The following EFR3B variants were observed in gnomAD, a reference collection of about 807,000 sequenced individuals.
EFR3B encodes protein EFR3 homolog B.
EFR3B carries 64 observed loss-of-function variants against 104.7 expected under a neutral mutation model. That is an observed-to-expected ratio of 0.61 (90% CI 0.50 to 0.75). The LOEUF (loss-of-function observed/expected upper bound fraction) is 0.75. Among genes scored for constraint, EFR3B ranks in the 30% least tolerant of loss-of-function variants. The pLI, the probability that EFR3B is intolerant of heterozygous loss-of-function variation, is 0.00. For synonymous variants in EFR3B, 385 were observed against 417.9 expected (o/e 0.92, Z 0.96); for missense variants, 750 against 1,078.5 (o/e 0.70, Z 4.27).
At chr2:25,100,048 C>CA (rs1669388696) in intron 3 of EFR3B, among the ~76,000 whole-genome samples, 2 of 151,898 alleles carry the variant, frequency 1.3e-5, no homozygotes, top group African/African-American at 4.8e-5. Flanking sequence ...ACAAAAAATA[C>CA]AAAAAATTAG....
At position 25,155,797 on chromosome 2, in the gene EFR3B, G is replaced by A. The variant is rs1047958593; in HGVS notation, c.*1457G>A. 2.0e-5 allele frequency: 3 copies of A among 152,158 alleles called. No homozygotes were observed. Among genetic ancestry groups the A allele is most frequent in the Admixed American group, 6.5e-5 (1 of 15,284 alleles). The allele number at this position is 152,158 out of a possible 1,614,324, so 9.4% of individuals were successfully genotyped here. ...GAGTGTCAGACGTTCTCTCCCTGGA[G>A]TCTGCTTTCCAAAGGAGGCAGGGTG... On this transcript the variant is annotated 3_prime_UTR_variant, in exon 23 of 23. Coordinates refer to ENST00000403714, the MANE Select transcript of EFR3B (RefSeq NM_014971.2).
At position 25,135,541 on chromosome 2, in the gene EFR3B, C is replaced by T. The variant is rs369220242; in HGVS notation, c.1386C>T (p.Thr462=). 56 of 1,551,912 alleles carry T rather than the reference C, an allele frequency of 3.6e-5. No individual in the cohort carries two copies. The highest frequency in any genetic ancestry group is 2.5e-4 in the Admixed American group (13 of 51,002). ...ACTTCCTGGACCGCCTTCTCTCCACCGCCCTCATGGAGGATGCAGAAATTC... is the reference window on the plus strand; with the variant it reads ...ACTTCCTGGACCGCCTTCTCTCCACTGCCCTCATGGAGGATGCAGAAATTC... ...PSNFLDRLLS[T]ALMEDAEIRL... Residue 462 remains threonine, a synonymous_variant, in exon 13 of 23, where the codon ACC becomes ACT. Coordinates refer to ENST00000403714, the MANE Select transcript of EFR3B (RefSeq NM_014971.2).
At chr2:25,109,642 C>A (rs535150394) in intron 4 of EFR3B, among the ~76,000 whole-genome samples, 1 of 152,106 alleles carries the variant, frequency 6.6e-6, no homozygotes, top group Non-Finnish European at 1.5e-5. Flanking sequence ...TTTATCGTCC[C>A]ATGTATATGA....
At chr2:25,059,988 G>A (rs192665786) in intron 1 of EFR3B, among the ~76,000 whole-genome samples, 1 of 151,828 alleles carries the variant, frequency 6.6e-6, no homozygotes, top group African/African-American at 2.4e-5. Context: ...CACGAGGTCA[G>A]GAATTCGAGA....
chr2:25,119,499 G>T (rs1384678799), intron 4 of EFR3B, among the ~76,000 whole-genome samples: 1 of 152,262 alleles, frequency 6.6e-6, no homozygotes, highest in Admixed American at 6.5e-5. Context: ...CCAGGCAGCC[G>T]AAGGCCGACT....
At chr2:25,118,415 T>C (rs1384908524) in intron 4 of EFR3B, among the ~76,000 whole-genome samples, 1 of 152,190 alleles carries the variant, frequency 6.6e-6, no homozygotes, top group Non-Finnish European at 1.5e-5. Flanking sequence ...TCCCTTCTTC[T>C]TTAAGGCTGA....
At chr2:25,063,611 G>C (rs1573173630) in intron 1 of EFR3B, among the ~76,000 whole-genome samples, 1 of 152,164 alleles carries the variant, frequency 6.6e-6, no homozygotes, top group Non-Finnish European at 1.5e-5. Context: ...AAATGGAGAC[G>C]ATAGACCCCA....
intron 4 of EFR3B, among the ~76,000 whole-genome samples, chr2:25,111,209 G>A (rs1248676858): frequency 6.6e-6 from 1 of 152,162 alleles, no homozygotes; most frequent in Non-Finnish European, 1.5e-5. Flanking sequence ...GTGTGATCCC[G>A]GCCTAGGGTG....
intron 1 of EFR3B, among the ~76,000 whole-genome samples, chr2:25,082,786 T>C (rs1333456194): frequency 6.6e-6 from 1 of 152,042 alleles, no homozygotes; most frequent in Non-Finnish European, 1.5e-5. Context: ...AGTGGGGAGA[T>C]GGAGTGTAGA....
intron 4 of EFR3B, among the ~76,000 whole-genome samples, chr2:25,107,912 T>G (rs1669609864): frequency 6.6e-6 from 1 of 152,006 alleles, no homozygotes; most frequent in Non-Finnish European, 1.5e-5. Flanking sequence ...GGTGCCATCT[T>G]GGCTCGCTGC....
rs563438610 is a variant in EFR3B at position 25,080,283 on chromosome 2, CTTTTTTTTTTT to C, written c.8-11024_8-11014del. ...AGCTGGCTGGAGTCCCTCCCCAAAG[CTTTTTTTTTTT>C]TTTTTTTTTTTTTTTTTGAGATGGA... On this transcript the variant is annotated intron_variant, in intron 1 of 22. Transcript: ENST00000403714. The C allele has an allele frequency of 4.1e-3, 630 of 154,884 alleles. 5 individuals are homozygous for C. The highest frequency in any genetic ancestry group is 0.029 in the South Asian group (511 of 17,902). The allele number at this position is 154,884 out of a possible 1,614,324, so 9.6% of individuals were successfully genotyped here.
chr2:25,128,039 T>G, intron 5 of EFR3B, 144 bp from the exon 6 acceptor site: 21 of 899,308 alleles, frequency 2.3e-5, no homozygotes, highest in Non-Finnish European at 3.3e-5. Context: ...GGAGGTCTCA[T>G]GAGAGTAGCA....
chr2:25,051,170 G>A (rs1667857523), intron 1 of EFR3B, among the ~76,000 whole-genome samples: 2 of 152,052 alleles, frequency 1.3e-5, no homozygotes, highest in Admixed American at 1.3e-4. Flanking sequence ...GGAGTGCAGT[G>A]GCATGATCTC....
At chr2:25,103,524 T>C (rs1473304695) in intron 3 of EFR3B, 113 bp from the exon 4 acceptor site, 2 of 1,407,328 alleles carry the variant, frequency 1.4e-6, no homozygotes, top group Non-Finnish European at 1.9e-6. Flanking sequence ...TGGGGGAGCC[T>C]CATTACCCGG....
intron 1 of EFR3B, among the ~76,000 whole-genome samples, chr2:25,074,583 AAAAG>A (rs1668585237): frequency 1.3e-5 from 2 of 151,882 alleles, no homozygotes; most frequent in African/African-American, 4.8e-5. Flanking sequence ...AGAAAAAAAG[AAAAG>A]AAAGAAGCAT....
chr2:25,129,937 G>C, intron 6 of EFR3B, 38 bp from the exon 7 acceptor site: 1 of 1,548,388 alleles, frequency 6.5e-7, no homozygotes, highest in Non-Finnish European at 8.7e-7. Flanking sequence ...ACCCCAGCCT[G>C]CATGCCACCC....
intron 4 of EFR3B, among the ~76,000 whole-genome samples, chr2:25,112,140 C>T (rs550502242): frequency 7.9e-5 from 12 of 152,328 alleles, no homozygotes; most frequent in Admixed American, 5.2e-4. Context: ...TGTCACCTGT[C>T]GACTAGATAT....
chr2:25,080,547 G>T, intron 1 of EFR3B: 1 of 485,142 alleles, frequency 2.1e-6, no homozygotes, highest in Non-Finnish European at 3.6e-6. Flanking sequence ...GCCCGCCTCG[G>T]CCTCCCAAAG....
chr2:25,063,457 G>T (rs192471979), intron 1 of EFR3B, among the ~76,000 whole-genome samples: 9 of 152,314 alleles, frequency 5.9e-5, no homozygotes, highest in Admixed American at 2.6e-4. Context: ...ATTAATCTCA[G>T]TGTGTTCTTT....
Sources: allele counts gnomAD v4.1 joint callset (sites outside exome capture counted in the v4.1 genomes callset), GRCh38; gene constraint gnomAD v4.1.1; transcripts MANE v1.5; gene names NCBI Gene and HGNC (gene_info 2026-07-23, HGNC 2026-07-21).